NOP9: variants seen among roughly 807,000 people sequenced by gnomAD.
NOP9 encodes the protein nucleolar protein 9.
Under a neutral mutation model 63.0 loss-of-function variants are expected in NOP9, and 50 were observed. That is an observed-to-expected ratio of 0.79 (90% CI 0.63 to 1.00). The LOEUF is 1.00. Ranked by LOEUF, NOP9 falls within the 50% of genes least tolerant of loss-of-function variation. NOP9 has a pLI of 0.00. For synonymous variants in NOP9, 343 were observed against 332.8 expected (o/e 1.03, Z -0.33); for missense variants, 758 against 803.0 (o/e 0.94, Z 0.68).
chr14:24,300,633 G>A lies in NOP9; in HGVS notation c.473G>A (p.Gly158Glu). 6.6e-7 allele frequency: 1 copy of A among 1,520,886 alleles called. No individual in the cohort carries two copies. The highest frequency in any genetic ancestry group is 9.1e-7 in the Non-Finnish European group (1 of 1,103,652). The allele number at this position is 1,520,886 out of a possible 1,614,324, so 94.2% of individuals were successfully genotyped here. Residue 158 changes from glycine (G) to glutamate (E), a missense_variant, in exon 2 of 10, where the codon GGG (glycine) becomes GAG (glutamate). Gly to Glu is a moderately conservative substitution (Grantham distance 98). Coordinates refer to ENST00000267425, the MANE Select transcript of NOP9 (RefSeq NM_174913.3). ...TTGCTACAGCTCCCTCGATTGCTGG[G>A]GAGTGCTGCAGAGGAGGAGGAGGAG... ...SALLQLPRLL[G>E]SAAEEEEEEE...
chr14:24,290,475 T>C, the NOP9 span: 82 of 214,694 alleles, frequency 3.8e-4, no homozygotes, highest in African/African-American at 1.8e-3. Context: ...GGAACAGTTC[T>C]GGAGGAAAGG....
At chr14:24,275,659 AGCCCTGGGTCAGG>A in the NOP9 span, among the ~76,000 whole-genome samples, 1 of 152,226 alleles carries the variant, frequency 6.6e-6, no homozygotes, top group Admixed American at 6.5e-5. Flanking sequence ...GGGGGCCACG[AGCCCTGGGTCAGG>A]GCCCTGGGCC....
intron 7 of NOP9, 51 bp downstream of exon 7, chr14:24,303,908 C>T (rs778425557): frequency 4.4e-6 from 7 of 1,605,288 alleles, no homozygotes; most frequent in Non-Finnish European, 6.0e-6. Context: ...TCAGGCCTCC[C>T]AGGGTTTAGC....
At chr14:24,286,736 G>A in the NOP9 span, among the ~76,000 whole-genome samples, 2 of 151,786 alleles carry the variant, frequency 1.3e-5, no homozygotes, top group Non-Finnish European at 2.9e-5. Context: ...GGGACTACAG[G>A]TGCCCGCCAC....
At chr14:24,285,029 G>C in the NOP9 span, among the ~76,000 whole-genome samples, 1 of 152,124 alleles carries the variant, frequency 6.6e-6, no homozygotes, top group Non-Finnish European at 1.5e-5. Flanking sequence ...CTGATACCTC[G>C]GTCCAGCCCT....
chr14:24,297,685 T>A (rs995565444), upstream of NOP9, among the ~76,000 whole-genome samples: 2 of 152,012 alleles, frequency 1.3e-5, no homozygotes, highest in Non-Finnish European at 2.9e-5. Flanking sequence ...TCTATTAGGG[T>A]CTTCCAAGAC....
chr14:24,297,141 T>C (rs1364759498), upstream of NOP9, among the ~76,000 whole-genome samples: 3 of 152,252 alleles, frequency 2.0e-5, no homozygotes, highest in Non-Finnish European at 4.4e-5. Flanking sequence ...GCCCACCATG[T>C]GCACAGCATT....
Position 24,307,049 on chromosome 14 carries a change from C to T in NOP9, c.*1954C>T. The T allele has an allele frequency of 3.5e-6, 1 of 288,128 alleles. No individual in the cohort carries two copies. 17.8% of individuals were successfully genotyped at this position (288,128 alleles called of 1,614,324 possible). A position where few individuals can be genotyped will look rare whatever the true frequency, so the allele number is the denominator to read the frequency against. ...GAGGTTTTGGTAGGTTGAACAACTT[C>T]CCAAGGTTTGACAGGCAGGAAGTGG... On this transcript the variant is annotated 3_prime_UTR_variant, in exon 10 of 10. Coordinates refer to ENST00000267425, the MANE Select transcript of NOP9 (RefSeq NM_174913.3).
the NOP9 span, among the ~76,000 whole-genome samples, chr14:24,283,768 T>A: frequency 6.6e-6 from 1 of 152,238 alleles, no homozygotes; most frequent in Admixed American, 6.5e-5. Context: ...GGAGCTCAGC[T>A]CTTTCCCCTA....
the NOP9 span, chr14:24,291,333 G>A: frequency 8.2e-7 from 1 of 1,219,478 alleles, no homozygotes; most frequent in Admixed American, 1.8e-5. Flanking sequence ...GATCCCTGGA[G>A]AGCTCTTTCT....
At chr14:24,277,237 T>A in the NOP9 span, among the ~76,000 whole-genome samples, 1 of 152,096 alleles carries the variant, frequency 6.6e-6, no homozygotes, top group Non-Finnish European at 1.5e-5. Flanking sequence ...GGAGGGATGG[T>A]TGCATGAGAA....
chr14:24,307,341 T>C lies in NOP9; in HGVS notation c.*2246T>C. The C allele has an allele frequency of 6.2e-7, 1 of 1,600,384 alleles. No homozygotes were observed. The highest frequency in any genetic ancestry group is 8.5e-7 in the Non-Finnish European group (1 of 1,172,190). ...TGTGGAGCCCCTTGGCTACCCCTGC[T>C]ATAGGAACCGAGGAACTTGGCCTAC... On this transcript the variant is annotated 3_prime_UTR_variant, in exon 10 of 10. Coordinates refer to ENST00000267425, the MANE Select transcript of NOP9 (RefSeq NM_174913.3).
chr14:24,302,502 T>C (rs1194201628), intron 5 of NOP9, 78 bp downstream of exon 5: 1 of 1,366,208 alleles, frequency 7.3e-7, no homozygotes, highest in East Asian at 2.3e-5. Flanking sequence ...TGTCTGCCTC[T>C]ATATACCTTT....
chr14:24,300,266 A>C, intron 1 of NOP9, 65 bp downstream of exon 1: 1 of 1,590,240 alleles, frequency 6.3e-7, no homozygotes. Context: ...GAAACTTTCT[A>C]GGGTCGGCAG....
the NOP9 span, among the ~76,000 whole-genome samples, chr14:24,277,425 T>G: frequency 1.3e-5 from 2 of 149,298 alleles, no homozygotes; most frequent in East Asian, 2.0e-4. Flanking sequence ...AGAGGGGAGG[T>G]GAGGGAACCC....
the NOP9 span, among the ~76,000 whole-genome samples, chr14:24,287,376 A>G: frequency 6.6e-6 from 1 of 152,176 alleles, no homozygotes; most frequent in Non-Finnish European, 1.5e-5. Flanking sequence ...GGCTGGAACT[A>G]TTCTGAGGCC....
the NOP9 span, among the ~76,000 whole-genome samples, chr14:24,275,707 A>G: frequency 6.6e-6 from 1 of 152,252 alleles, no homozygotes; most frequent in Admixed American, 6.5e-5. Context: ...AAGCTTGGCT[A>G]GAAGCCATGG....
chr14:24,306,077 G>A lies in NOP9; in HGVS notation c.*982G>A, dbSNP rs762371641. 1.3e-5 allele frequency: 21 copies of A among 1,613,962 alleles called. No homozygotes were observed. Among genetic ancestry groups the A allele is most frequent in the Middle Eastern group, 1.6e-4 (1 of 6,078 alleles). ...TGCTTGTACACGTCAAAGGTGAATC[G>A]GGCGATGTCCTTGCTGTGCTTGGGC... On this transcript the variant is annotated 3_prime_UTR_variant, in exon 10 of 10. Coordinates refer to ENST00000267425, the MANE Select transcript of NOP9 (RefSeq NM_174913.3).
rs143004628 is a variant in NOP9 at position 24,301,680 on chromosome 14, C to G, written c.766C>G (p.Arg256Gly). The G allele has an allele frequency of 6.2e-7, 1 of 1,614,116 alleles. No homozygotes were observed. ...DFEVPETFLNRLQDLSSSFLK... is the reference protein window; with the variant it reads ...DFEVPETFLNGLQDLSSSFLK... ...TGAAGTCCCTGAAACCTTTTTGAATCGCCTTCAGGACCTGAGCTCCTCCTT... is the reference window on the plus strand; with the variant it reads ...TGAAGTCCCTGAAACCTTTTTGAATGGCCTTCAGGACCTGAGCTCCTCCTT... Residue 256 changes from arginine to glycine, a missense_variant, in exon 3 of 10, where the codon CGC (arginine) becomes GGC (glycine). Arg to Gly is a moderately radical substitution (Grantham distance 125, BLOSUM62 -2). Transcript: ENST00000267425.
Sources: allele counts gnomAD v4.1 joint callset (sites outside exome capture counted in the v4.1 genomes callset), GRCh38; gene constraint gnomAD v4.1.1; transcripts MANE v1.5; gene names NCBI Gene and HGNC (gene_info 2026-07-23, HGNC 2026-07-21).